USP26: variants seen among roughly 807,000 people sequenced by gnomAD.
USP26 encodes ubiquitin carboxyl-terminal hydrolase 26.
For missense variants in USP26, 649 were observed against 642.3 expected, an observed-to-expected ratio of 1.01 and a Z score of -0.11; for synonymous variants, 236 against 240.6, an observed-to-expected ratio of 0.98 and a Z score of 0.18.
chrX:133,087,807 G>A (rs2067594799), intron 4 of USP26, among the ~76,000 whole-genome samples: 1 of 111,644 alleles, frequency 9.0e-6, no homozygotes, highest in Non-Finnish European at 1.9e-5. Flanking sequence ...TCTCTCTCCT[G>A]TACCCATATA....
chrX:133,084,699 C>G (rs2067582952), intron 4 of USP26, among the ~76,000 whole-genome samples: 1 of 109,873 alleles, frequency 9.1e-6, no homozygotes, highest in African/African-American at 3.3e-5. Context: ...TAAATTGTGT[C>G]TACACACAAA....
At chrX:133,089,248 T>C (rs1020154285) in intron 4 of USP26, among the ~76,000 whole-genome samples, 2 of 111,736 alleles carry the variant, frequency 1.8e-5, no homozygotes, top group African/African-American at 6.5e-5. Context: ...TAAAAGATAC[T>C]CTTAGGATAG....
At chrX:133,048,201 T>C (rs1034530701) in intron 5 of USP26, among the ~76,000 whole-genome samples, 4 of 111,828 alleles carry the variant, frequency 3.6e-5, no homozygotes, top group Admixed American at 9.5e-5. Flanking sequence ...TCAGGTAGCT[T>C]TACCTTGGCA....
At chrX:133,085,513 A>C (rs1254348587) in intron 4 of USP26, among the ~76,000 whole-genome samples, 1 of 111,977 alleles carries the variant, frequency 8.9e-6, no homozygotes, top group Non-Finnish European at 1.9e-5. Flanking sequence ...CAGAACTGCA[A>C]CTGTTCCTAC....
chrX:133,035,292 T>A (rs369872377), intron 5 of USP26, among the ~76,000 whole-genome samples: 177 of 112,404 alleles, frequency 1.6e-3, no homozygotes, highest in African/African-American at 5.5e-3. Context: ...CCAAAGGAAT[T>A]ATTTGCTGGA....
chrX:133,051,687 A>G (rs1448155897), intron 5 of USP26, among the ~76,000 whole-genome samples: 1 of 112,357 alleles, frequency 8.9e-6, no homozygotes, highest in Non-Finnish European at 1.9e-5. Context: ...ACAAGGACTG[A>G]ATTTACTACC....
intron 5 of USP26, among the ~76,000 whole-genome samples, chrX:133,071,783 A>G (rs555056153): frequency 9.0e-6 from 1 of 111,345 alleles, no homozygotes; most frequent in African/African-American, 3.3e-5. Context: ...GCACTGTCCT[A>G]CCTTATTGGA....
intron 5 of USP26, among the ~76,000 whole-genome samples, chrX:133,065,209 C>A (rs2067507343): frequency 9.0e-6 from 1 of 111,446 alleles, no homozygotes; most frequent in Non-Finnish European, 1.9e-5. Context: ...AGACCAAAAA[C>A]AAGTTCTGAA....
chrX:133,039,377 T>G (rs2148527827), intron 5 of USP26, among the ~76,000 whole-genome samples: 1 of 112,167 alleles, frequency 8.9e-6, no homozygotes, highest in Admixed American at 9.5e-5. Context: ...TTGTTCTCCT[T>G]GGTTTCAAAG....
chrX:133,028,882 T>A (rs2067366053), intron 5 of USP26, among the ~76,000 whole-genome samples: 1 of 111,937 alleles, frequency 8.9e-6, no homozygotes. Context: ...CAAATCTAGC[T>A]ATGTTCCTAT....
At chrX:133,032,479 T>C (rs1212887537) in intron 5 of USP26, among the ~76,000 whole-genome samples, 1 of 111,665 alleles carries the variant, frequency 9.0e-6, no homozygotes, top group Non-Finnish European at 1.9e-5. Flanking sequence ...AAAGAAGTTG[T>C]GGAAGTTTTG....
chrX:133,038,376 G>T (rs1190061062), intron 5 of USP26, among the ~76,000 whole-genome samples: 1 of 111,779 alleles, frequency 8.9e-6, no homozygotes, highest in African/African-American at 3.3e-5. Flanking sequence ...TAGCATGAAG[G>T]GGTGTTGAAT....
Position 133,026,738 on chromosome X carries a change from T to G in USP26, c.1483A>C (p.Lys495Gln). 1 of 1,210,810 alleles carries G rather than the reference T, an allele frequency of 8.3e-7. No homozygotes were observed. Among genetic ancestry groups the G allele is most frequent in the East Asian group, 3.0e-5 (1 of 33,791 alleles). The stretch of plus-strand genomic sequence containing the variant: ...GTCTTGTGCTCACATTTTGCACATT[T>G]ATACTCAAGCTCTTCTGCTCCAAAA... ...LFFGAEELEYKCAKCEHKTSV... is the reference protein window; with the variant it reads ...LFFGAEELEYQCAKCEHKTSV... The change falls in exon 6 of 6, where the codon AAA becomes CAA. Residue 495 changes from lysine (K) to glutamine (Q), a missense_variant. Transcript: ENST00000511190.
At chrX:133,053,350 C>T (rs1308891074) in intron 5 of USP26, among the ~76,000 whole-genome samples, 1 of 110,545 alleles carries the variant, frequency 9.0e-6, no homozygotes, top group Non-Finnish European at 1.9e-5. Flanking sequence ...CCAGTCTGGG[C>T]AACACGGTGA....
intron 5 of USP26, among the ~76,000 whole-genome samples, chrX:133,056,619 T>G (rs187676993): frequency 5.4e-5 from 6 of 111,598 alleles, no homozygotes; most frequent in African/African-American, 1.6e-4. Context: ...ATTCAAAAGT[T>G]ATTTGCTCAA....
chrX:133,052,186 G>A (rs1034793367), intron 5 of USP26, among the ~76,000 whole-genome samples: 1 of 112,173 alleles, frequency 8.9e-6, no homozygotes. Flanking sequence ...CGAGAATGTG[G>A]AATTTACTGA....
intron 5 of USP26, among the ~76,000 whole-genome samples, chrX:133,029,511 C>T (rs772896515): frequency 1.8e-5 from 2 of 111,968 alleles, no homozygotes; most frequent in Non-Finnish European, 3.8e-5. Context: ...AACATTCAAG[C>T]ACAGCACAAA....
At chrX:133,078,629 G>A (rs1176351999) in intron 5 of USP26, among the ~76,000 whole-genome samples, 1 of 112,045 alleles carries the variant, frequency 8.9e-6, no homozygotes, top group Non-Finnish European at 1.9e-5. Flanking sequence ...CATAAAAATC[G>A]ACAACAAGCA....
intron 5 of USP26, among the ~76,000 whole-genome samples, chrX:133,067,435 T>C (rs1336654387): frequency 1.8e-5 from 2 of 112,710 alleles, no homozygotes; most frequent in East Asian, 2.8e-4. Context: ...CATATGTTTA[T>C]TGCAGCACTA....
Sources: gnomAD v4.1 joint callset for allele counts (sites outside exome capture counted in the v4.1 genomes callset) on GRCh38, gnomAD v4.1.1 for gene constraint, MANE v1.5 for transcripts, NCBI Gene and HGNC (gene_info 2026-07-23, HGNC 2026-07-21) for gene names.